The following KLHL3 variants were observed in gnomAD, a reference collection of about 807,000 sequenced individuals.
KLHL3 encodes kelch-like protein 3.
In KLHL3, 19 loss-of-function variants were observed where a neutral mutation model predicts 70.5. The ratio of observed to expected loss-of-function variants is 0.27; its 90% CI spans 0.19 to 0.40. KLHL3 has a LOEUF of 0.40. Among genes scored for constraint, KLHL3 ranks in the 10% least tolerant of loss-of-function variants. KLHL3 has a pLI of 1.00. For missense variants in KLHL3, 512 were observed against 771.1 expected (o/e 0.66, Z 3.98); for synonymous variants, 258 against 290.3 (o/e 0.89, Z 1.13).
chr5:137,675,149 A>G lies in KLHL3; in HGVS notation c.636+2396T>C, dbSNP rs112643498. Among the ~76,000 whole-genome samples, 97 of 152,332 alleles carry G rather than the reference A, an allele frequency of 6.4e-4. 1 individual carries two copies. The highest frequency in any genetic ancestry group is 2.0e-3 in the African/African-American group (85 of 41,580). On this transcript the variant is annotated intron_variant, in intron 6 of 14. Transcript: ENST00000309755. ...AGTTACATATAAGTTCCAAGAAGCA[A>G]ATATGAAATAGAACTTCGTTAATGT...
chr5:137,691,651 C>G (rs1752325189), intron 5 of KLHL3, among the ~76,000 whole-genome samples: 1 of 151,928 alleles, frequency 6.6e-6, no homozygotes, highest in Admixed American at 6.5e-5. Flanking sequence ...CGCTCTGTCA[C>G]CCAGGCTGGA....
At chr5:137,722,516 C>G (rs533680480) in intron 1 of KLHL3, among the ~76,000 whole-genome samples, 1 of 152,214 alleles carries the variant, frequency 6.6e-6, no homozygotes, top group African/African-American at 2.4e-5. Flanking sequence ...GGGAAGCAAC[C>G]AGCAAAGATG....
intron 1 of KLHL3, chr5:137,720,909 G>C: frequency 1.5e-5 from 16 of 1,076,868 alleles, no homozygotes; most frequent in Non-Finnish European, 1.7e-5. Flanking sequence ...AGGTTTGTTT[G>C]TTCATTAAAC....
Position 137,676,188 on chromosome 5 carries a change from CTT to C in KLHL3, c.636+1355_636+1356del, listed in dbSNP as rs1751879833. Among the ~76,000 whole-genome samples, 4 of 152,160 alleles carry C rather than the reference CTT, an allele frequency of 2.6e-5. No individual in the cohort carries two copies. In the South Asian group the frequency reaches 8.3e-4, roughly 32 times the overall value. On this transcript the variant is annotated intron_variant, in intron 6 of 14. Coordinates refer to ENST00000309755, the MANE Select transcript of KLHL3 (RefSeq NM_017415.3). ...GGAAGCCCACAGTTTTAACAAATGA[CTT>C]TTTTATTTTAAGAAATGTTTTTCTT...
At chr5:137,654,365 GAC>G (rs1411594759) in intron 8 of KLHL3, among the ~76,000 whole-genome samples, 4 of 152,208 alleles carry the variant, frequency 2.6e-5, no homozygotes, top group African/African-American at 9.6e-5. Flanking sequence ...TTTGGAGTGA[GAC>G]AGACCGAACC....
intron 12 of KLHL3, among the ~76,000 whole-genome samples, chr5:137,633,278 C>CAAAAAAA (rs56084512): frequency 2.8e-5 from 2 of 72,000 alleles, no homozygotes; most frequent in Admixed American, 2.2e-4. Flanking sequence ...GACTTCATCT[C>CAAAAAAA]AAAAAAAAAA....
intron 5 of KLHL3, among the ~76,000 whole-genome samples, chr5:137,691,158 T>C (rs1752311482): frequency 6.6e-6 from 1 of 152,224 alleles, no homozygotes; most frequent in Non-Finnish European, 1.5e-5. Context: ...CAACAGATTA[T>C]CTGATGTATT....
chr5:137,623,962 A>G (rs1354573829), intron 14 of KLHL3, among the ~76,000 whole-genome samples: 1 of 152,232 alleles, frequency 6.6e-6, no homozygotes, highest in East Asian at 1.9e-4. Flanking sequence ...CCACCAATAC[A>G]GGACTATATG....
At chr5:137,633,976 A>C in intron 12 of KLHL3, 61 bp downstream of exon 12, 2 of 1,609,658 alleles carry the variant, frequency 1.2e-6, no homozygotes, top group Non-Finnish European at 8.5e-7. Context: ...AAAACAAAAA[A>C]ATTTAAGGAC....
chr5:137,718,409 G>A (rs902832709), intron 2 of KLHL3, among the ~76,000 whole-genome samples: 7 of 152,124 alleles, frequency 4.6e-5, no homozygotes, highest in African/African-American at 1.7e-4. Flanking sequence ...ACGGTGGGAG[G>A]ACTGCTTGAA....
intron 1 of KLHL3, among the ~76,000 whole-genome samples, chr5:137,734,415 C>CT (rs943611725): frequency 1.3e-5 from 2 of 152,216 alleles, no homozygotes; most frequent in African/African-American, 4.8e-5. Flanking sequence ...CAGGCTCTTC[C>CT]TGTGGGAGTC....
intron 13 of KLHL3, among the ~76,000 whole-genome samples, chr5:137,626,766 G>T (rs1233959211): frequency 2.6e-5 from 4 of 152,190 alleles, no homozygotes; most frequent in Non-Finnish European, 5.9e-5. Flanking sequence ...CACTTTGGGA[G>T]GCCAAGGCAG....
At chr5:137,679,978 CAG>C (rs769598977) in intron 5 of KLHL3, among the ~76,000 whole-genome samples, 31 of 152,232 alleles carry the variant, frequency 2.0e-4, no homozygotes, top group Non-Finnish European at 2.4e-4. Flanking sequence ...TCTGAGGAGA[CAG>C]GGGTAACCCC....
intron 8 of KLHL3, chr5:137,653,058 C>A (rs370393694): frequency 6.7e-6 from 1 of 150,340 alleles, no homozygotes; most frequent in African/African-American, 2.5e-5. Flanking sequence ...CTGGCTAACA[C>A]GGTAAAACCC....
intron 3 of KLHL3, among the ~76,000 whole-genome samples, chr5:137,704,115 T>G (rs1752628240): frequency 6.6e-6 from 1 of 152,150 alleles, no homozygotes; most frequent in African/African-American, 2.4e-5. Context: ...CAGTTAAGAT[T>G]GGAATACAGC....
chr5:137,685,988 T>C (rs1752153719), intron 5 of KLHL3, among the ~76,000 whole-genome samples: 1 of 152,112 alleles, frequency 6.6e-6, no homozygotes, highest in African/African-American at 2.4e-5. Flanking sequence ...TTTATTAAAA[T>C]AGCAATAATA....
intron 13 of KLHL3, among the ~76,000 whole-genome samples, chr5:137,627,327 T>C (rs1473835116): frequency 6.6e-6 from 1 of 152,196 alleles, no homozygotes; most frequent in Non-Finnish European, 1.5e-5. Context: ...ATGAATTTTA[T>C]ACAAACACAC....
intron 1 of KLHL3, 73 bp from the exon 2 acceptor site, chr5:137,720,657 C>T (rs1752980299): frequency 6.3e-7 from 1 of 1,598,546 alleles, no homozygotes; most frequent in African/African-American, 1.3e-5. Flanking sequence ...CTGCCAAAAG[C>T]CCATGCATTT....
chr5:137,638,457 A>G (rs1750823910), intron 10 of KLHL3, among the ~76,000 whole-genome samples: 1 of 152,038 alleles, frequency 6.6e-6, no homozygotes, highest in Non-Finnish European at 1.5e-5. Context: ...TTGAAGCTAG[A>G]TAGAGTCCAG....
Sources: allele counts gnomAD v4.1 joint callset (sites outside exome capture counted in the v4.1 genomes callset), GRCh38; gene constraint gnomAD v4.1.1; transcripts MANE v1.5; gene names NCBI Gene and HGNC (gene_info 2026-07-23, HGNC 2026-07-21).